The following FHIT variants were observed in gnomAD, a reference collection of about 807,000 sequenced individuals.
The protein encoded by FHIT is bis(5'-adenosyl)-triphosphatase.
FHIT carries 19 observed loss-of-function variants against 17.9 expected under a neutral mutation model. The ratio of observed to expected loss-of-function variants is 1.06; its 90% confidence interval spans 0.74 to 1.56. The LOEUF (loss-of-function observed/expected upper bound fraction) is 1.56, where lower values mean the gene tolerates loss of function less well. Among genes scored for constraint, FHIT ranks in the 40% most tolerant of loss-of-function variants. FHIT has a pLI of 0.00. For missense variants in FHIT, 248 were observed against 189.2 expected (o/e 1.31, Z -1.82); for synonymous variants, 81 against 69.7 (o/e 1.16, Z -0.81).
chr3:60,127,190 T>C (rs549878747), intron 5 of FHIT, among the ~76,000 whole-genome samples: 2 of 152,148 alleles, frequency 1.3e-5, no homozygotes, highest in Non-Finnish European at 2.9e-5. Flanking sequence ...GCCCACGCAA[T>C]GTTTTTAAAA....
intron 5 of FHIT, among the ~76,000 whole-genome samples, chr3:60,425,355 A>C (rs1339252757): frequency 2.0e-5 from 3 of 152,126 alleles, no homozygotes; most frequent in African/African-American, 4.8e-5. Context: ...ACTGCCAAAG[A>C]TGATCTTTCT....
At chr3:61,165,187 C>T (rs1209961961) in intron 2 of FHIT, among the ~76,000 whole-genome samples, 4 of 152,118 alleles carry the variant, frequency 2.6e-5, no homozygotes, top group Admixed American at 2.0e-4. Flanking sequence ...AATAGTAGTC[C>T]TGTTTTAAGT....
intron 4 of FHIT, among the ~76,000 whole-genome samples, chr3:60,646,158 A>C (rs1333295412): frequency 6.6e-6 from 1 of 152,218 alleles, no homozygotes; most frequent in Non-Finnish European, 1.5e-5. Flanking sequence ...GCTGCATTTA[A>C]AGGCTACTTA....
At chr3:60,414,318 T>TCC (rs1702168691) in intron 5 of FHIT, among the ~76,000 whole-genome samples, 1 of 152,184 alleles carries the variant, frequency 6.6e-6, no homozygotes, top group Non-Finnish European at 1.5e-5. Flanking sequence ...GAAGCACACT[T>TCC]TGCAGAATTA....
chr3:60,107,508 T>C (rs760598763), intron 5 of FHIT, among the ~76,000 whole-genome samples: 10 of 152,166 alleles, frequency 6.6e-5, no homozygotes, highest in Non-Finnish European at 1.5e-4. Context: ...ACATGATGGG[T>C]GGACTTTTAT....
chr3:60,369,386 T>C (rs963271341), intron 5 of FHIT, among the ~76,000 whole-genome samples: 4 of 152,238 alleles, frequency 2.6e-5, no homozygotes, highest in African/African-American at 9.6e-5. Flanking sequence ...TTAACAATAT[T>C]ATTATAGCTA....
chr3:60,783,156 T>C (rs1700449046), intron 4 of FHIT, among the ~76,000 whole-genome samples: 1 of 152,118 alleles, frequency 6.6e-6, no homozygotes, highest in African/African-American at 2.4e-5. Context: ...TTTTGCATTT[T>C]TTTTTTTGTA....
intron 5 of FHIT, among the ~76,000 whole-genome samples, chr3:60,446,529 G>A (rs991459324): frequency 6.6e-6 from 1 of 152,088 alleles, no homozygotes; most frequent in Non-Finnish European, 1.5e-5. Flanking sequence ...ATTCGTGGAT[G>A]TGCAACTCTA....
At chr3:60,692,696 T>C (rs1409918909) in intron 4 of FHIT, among the ~76,000 whole-genome samples, 6 of 152,182 alleles carry the variant, frequency 3.9e-5, no homozygotes, top group Non-Finnish European at 8.8e-5. Context: ...CCTCCCAAAC[T>C]GTAAAATAAT....
intron 5 of FHIT, among the ~76,000 whole-genome samples, chr3:60,527,829 A>G (rs1452081169): frequency 1.3e-5 from 2 of 152,216 alleles, no homozygotes; most frequent in Non-Finnish European, 2.9e-5. Flanking sequence ...AGTTTGCAGC[A>G]CATGTGAAAT....
intron 3 of FHIT, among the ~76,000 whole-genome samples, chr3:60,994,728 C>T (rs1410078080): frequency 6.6e-6 from 1 of 152,030 alleles, no homozygotes; most frequent in African/African-American, 2.4e-5. Flanking sequence ...AGCCTGGAGA[C>T]CAATAAAAAG....
At chr3:61,205,441 G>C (rs2039192362) in intron 1 of FHIT, among the ~76,000 whole-genome samples, 1 of 152,186 alleles carries the variant, frequency 6.6e-6, no homozygotes, top group Non-Finnish European at 1.5e-5. Context: ...CCCACCAACA[G>C]GGTAAAAGTG....
At chr3:60,592,424 G>A (rs1204906790) in intron 4 of FHIT, among the ~76,000 whole-genome samples, 1 of 151,966 alleles carries the variant, frequency 6.6e-6, no homozygotes, top group Admixed American at 6.6e-5. Flanking sequence ...AAGCAGACAT[G>A]GTCTAATTTG....
chr3:59,905,242 G>A (rs1575673173), intron 8 of FHIT, among the ~76,000 whole-genome samples: 1 of 152,294 alleles, frequency 6.6e-6, no homozygotes, highest in East Asian at 1.9e-4. Flanking sequence ...AATTATGACA[G>A]GGGCTTGGCA....
Position 60,442,492 on chromosome 3 carries a change from G to A in FHIT, c.103+94368C>T, listed in dbSNP as rs147494659. ...ATCCAGTTTCAGCTTTCTACATATGGCTAGCCAGTTTTCCCAGCACCATTT... is the reference window on the plus strand; with the variant it reads ...ATCCAGTTTCAGCTTTCTACATATGACTAGCCAGTTTTCCCAGCACCATTT... On this transcript the variant is annotated intron_variant, in intron 5 of 9. Coordinates refer to ENST00000492590, the MANE Select transcript of FHIT (RefSeq NM_002012.4). Among the ~76,000 whole-genome samples the A allele has an allele frequency of 3.9e-3, 600 of 152,122 alleles. 3 individuals carry two copies. The highest frequency in any genetic ancestry group is 0.014 in the African/African-American group (571 of 41,488).
At chr3:61,152,014 C>A (rs1576112473) in intron 2 of FHIT, among the ~76,000 whole-genome samples, 1 of 152,168 alleles carries the variant, frequency 6.6e-6, no homozygotes, top group African/African-American at 2.4e-5. Context: ...TAAGCCACTT[C>A]CCTTTTCTTT....
chr3:60,458,976 C>A (rs372589080), intron 5 of FHIT, among the ~76,000 whole-genome samples: 99 of 151,900 alleles, frequency 6.5e-4, no homozygotes, highest in African/African-American at 2.2e-3. Flanking sequence ...GAAACAAAGT[C>A]TCACTATGCT....
chr3:60,331,668 G>A (rs1709984408), intron 5 of FHIT, among the ~76,000 whole-genome samples: 1 of 152,050 alleles, frequency 6.6e-6, no homozygotes, highest in Admixed American at 6.6e-5. Context: ...CCAACATGGA[G>A]AAACCTCGTA....
At chr3:60,883,218 T>A (rs527540729) in intron 3 of FHIT, among the ~76,000 whole-genome samples, 26 of 152,134 alleles carry the variant, frequency 1.7e-4, no homozygotes, top group Admixed American at 1.4e-3. Context: ...AAATTGAAGA[T>A]CTGGTTACAA....
Sources: allele counts gnomAD v4.1 joint callset (sites outside exome capture counted in the v4.1 genomes callset), GRCh38; gene constraint gnomAD v4.1.1; transcripts MANE v1.5; gene names NCBI Gene and HGNC (gene_info 2026-07-23, HGNC 2026-07-21).